MYCBP2: variants seen among roughly 807,000 people sequenced by gnomAD.
MYCBP2 encodes the protein E3 ubiquitin-protein ligase MYCBP2.
A neutral mutation model predicts 525.3 loss-of-function variants in MYCBP2; 120 were observed. The ratio of observed to expected loss-of-function variants is 0.23; its 90% CI spans 0.20 to 0.27. The LOEUF is 0.27. MYCBP2 is among the 10% of genes least tolerant of loss of function. The pLI is 1.00. For missense variants in MYCBP2, 4,149 were observed against 5,657.1 expected, an observed-to-expected ratio of 0.73 and a Z score of 8.55; for synonymous variants, 1,894 against 1,955.8, an observed-to-expected ratio of 0.97 and a Z score of 0.83.
chr13:77,205,992 T>C (rs1303552553), intron 24 of MYCBP2, among the ~76,000 whole-genome samples: 1 of 152,088 alleles, frequency 6.6e-6, no homozygotes, highest in Non-Finnish European at 1.5e-5. Context: ...GAAACCAAAA[T>C]GAAATTTGAG....
intron 23 of MYCBP2, among the ~76,000 whole-genome samples, chr13:77,210,952 G>C (rs985255808): frequency 7.2e-5 from 11 of 152,130 alleles, no homozygotes; most frequent in African/African-American, 2.7e-4. Context: ...TTGTGGAGCT[G>C]GGATAAACCT....
chr13:77,129,291 G>C, intron 52 of MYCBP2: 2 of 395,682 alleles, frequency 5.1e-6, no homozygotes, highest in Non-Finnish European at 8.9e-6. Context: ...GATATCATCT[G>C]CAGAAGATGC....
chr13:77,170,178 G>T (rs73543881), intron 38 of MYCBP2, among the ~76,000 whole-genome samples: 3,330 of 152,208 alleles, frequency 0.022, 125 homozygotes, highest in African/African-American at 0.076. Flanking sequence ...GATTAAACGA[G>T]GTAATATATG....
intron 43 of MYCBP2, 67 bp downstream of exon 43, chr13:77,164,387 C>T: frequency 1.0e-6 from 1 of 999,154 alleles, no homozygotes; most frequent in Admixed American, 2.1e-5. Context: ...TATTTTTGGC[C>T]CTTTTATAAT....
At position 77,062,607 on chromosome 13, in the gene MYCBP2, G is replaced by C; in HGVS notation, c.12763C>G (p.Gln4255Glu). 1 of 1,613,586 alleles carries C rather than the reference G, an allele frequency of 6.2e-7. No homozygotes were observed. The highest frequency in any genetic ancestry group is 8.5e-7 in the Non-Finnish European group (1 of 1,179,554). ...AATTCTGATCTTACCATTTGTTTTT[G>C]TTGTCCATCCTTTCCCATCCATCTC... ...SGRWMGKDGQ[Q>E]KQMPMCDNHD... Residue 4255 changes from glutamine to glutamate, a missense_variant, in exon 74 of 83, where the codon CAA (glutamine) becomes GAA (glutamate). Physicochemically the swap from Gln to Glu is conservative, Grantham distance 29 (BLOSUM62 2). Transcript: ENST00000544440.
Position 77,326,700 on chromosome 13 carries a change from C to A in MYCBP2, c.76G>T (p.Ala26Ser), listed in dbSNP as rs779520181. ...GGCGCCGGGGAGGAAGAGAAGGTGG[C>A]GGCTGGGTAGAATCCGTCCCCGCCG... ...GLGGDGFYPAATFSSSPAPGA... is the reference protein window; with the variant it reads ...GLGGDGFYPASTFSSSPAPGA... Residue 26 changes from alanine to serine, a missense_variant, in exon 1 of 83, where the codon GCC (alanine) becomes TCC (serine). Transcript: ENST00000544440. This position sits in a 1 kb window ranked among gnomAD's most constrained non-coding sequence, Gnocchi z 4.2. The A allele has an allele frequency of 5.8e-4, 832 of 1,436,630 alleles. 1 individual carries two copies. Among genetic ancestry groups the A allele is most frequent in the Non-Finnish European group, 7.0e-4 (777 of 1,104,294 alleles). The allele number at this position is 1,436,630 out of a possible 1,614,324, so 89.0% of individuals were successfully genotyped here.
intron 18 of MYCBP2, among the ~76,000 whole-genome samples, chr13:77,232,390 A>C (rs950197250): frequency 4.6e-5 from 7 of 152,306 alleles, no homozygotes; most frequent in Admixed American, 1.3e-4. Context: ...ATACAAGGCA[A>C]AAATTTTATA....
At chr13:77,253,008 C>G (rs1244963714) in intron 14 of MYCBP2, among the ~76,000 whole-genome samples, 1 of 151,916 alleles carries the variant, frequency 6.6e-6, no homozygotes, top group Non-Finnish European at 1.5e-5. Context: ...AATAAAATCT[C>G]TCACCAGGCT....
chr13:77,170,850 C>G (rs1373630868), intron 38 of MYCBP2, among the ~76,000 whole-genome samples: 1 of 152,146 alleles, frequency 6.6e-6, no homozygotes, highest in Non-Finnish European at 1.5e-5. Flanking sequence ...GCTGGGATTA[C>G]AGGCATGAGC....
chr13:77,259,121 T>A (rs2072773969), intron 13 of MYCBP2, among the ~76,000 whole-genome samples: 1 of 152,032 alleles, frequency 6.6e-6, no homozygotes, highest in South Asian at 2.1e-4. Flanking sequence ...AAAAATTAGC[T>A]GGGTGTTGTG....
At chr13:77,267,767 T>C in intron 8 of MYCBP2, 74 bp downstream of exon 8, 1 of 1,147,352 alleles carries the variant, frequency 8.7e-7, no homozygotes, top group Non-Finnish European at 1.3e-6. Context: ...AATCATTCTT[T>C]ATGTGTCTAA....
chr13:77,203,716 G>A (rs989144517), intron 26 of MYCBP2, among the ~76,000 whole-genome samples: 1 of 152,112 alleles, frequency 6.6e-6, no homozygotes, highest in Non-Finnish European at 1.5e-5. Flanking sequence ...CAATGGAACG[G>A]AACAGAGCCC....
At chr13:77,154,803 A>G (rs552672925) in intron 46 of MYCBP2, among the ~76,000 whole-genome samples, 1 of 152,198 alleles carries the variant, frequency 6.6e-6, no homozygotes, top group Non-Finnish European at 1.5e-5. Context: ...TATCAGGATA[A>G]CTTTATTTTT....
At chr13:77,185,759 G>A (rs531063514) in intron 31 of MYCBP2, 112 bp downstream of exon 31, 2 of 745,188 alleles carry the variant, frequency 2.7e-6, no homozygotes, top group South Asian at 2.8e-5. Context: ...CCTCATTTTA[G>A]AAGCAGCTTA....
At chr13:77,095,059 C>T (rs2154125022) in intron 58 of MYCBP2, among the ~76,000 whole-genome samples, 1 of 152,230 alleles carries the variant, frequency 6.6e-6, no homozygotes, top group Admixed American at 6.5e-5. Flanking sequence ...CAGCATTTCG[C>T]ACTAACAGAG....
intron 1 of MYCBP2, among the ~76,000 whole-genome samples, chr13:77,309,841 C>T (rs1048364743): frequency 6.6e-6 from 1 of 152,162 alleles, no homozygotes; most frequent in African/African-American, 2.4e-5. Flanking sequence ...TGGCTGGGCG[C>T]AGTGGCTCAC....
intron 50 of MYCBP2, 77 bp downstream of exon 50, chr13:77,140,769 T>G: frequency 9.9e-7 from 1 of 1,012,758 alleles, no homozygotes; most frequent in Non-Finnish European, 1.5e-6. Flanking sequence ...ATGTTAGATG[T>G]TTACTGGCCA....
rs769304082 is a variant in MYCBP2 at position 77,095,546 on chromosome 13, G to A, written c.10011C>T (p.Thr3337=). The A allele has an allele frequency of 6.2e-7, 1 of 1,613,532 alleles. No individual in the cohort carries two copies. Among genetic ancestry groups the A allele is most frequent in the East Asian group, 2.2e-5 (1 of 44,852 alleles). Residue 3337 remains threonine, a synonymous_variant, in exon 58 of 83, where the codon ACC becomes ACT. Transcript: ENST00000544440. ...MQVKTPRALP[T]MEAHQVIKAN... is the part of the protein sequence containing the mutation. ...CTTTAATCACCTGGTGAGCTTCCATGGTGGGCAAGGCACGAGGGGTCTTGA... is the reference window on the plus strand; with the variant it reads ...CTTTAATCACCTGGTGAGCTTCCATAGTGGGCAAGGCACGAGGGGTCTTGA...
At chr13:77,151,108 A>C (rs544363894) in intron 46 of MYCBP2, among the ~76,000 whole-genome samples, 159 bp from the exon 47 acceptor site, 1 of 152,310 alleles carries the variant, frequency 6.6e-6, no homozygotes, top group East Asian at 1.9e-4. Flanking sequence ...AAAGAGTTCA[A>C]ATGACCTCAA....
Sources: allele counts gnomAD v4.1 joint callset (sites outside exome capture counted in the v4.1 genomes callset), GRCh38; gene constraint gnomAD v4.1.1; non-coding constraint Gnocchi (gnomAD v3.1); transcripts MANE v1.5; gene names NCBI Gene and HGNC (gene_info 2026-07-23, HGNC 2026-07-21).